Variants in SH2D1B observed in about 807,000 individuals in gnomAD.
SH2D1B encodes SH2 domain containing 1B.
In SH2D1B, 11 loss-of-function variants were observed where a neutral mutation model predicts 16.3. The ratio of observed to expected loss-of-function variants is 0.67; its 90% confidence interval spans 0.42 to 1.11. The LOEUF (loss-of-function observed/expected upper bound fraction) is 1.11. SH2D1B is among the 50% of genes most tolerant of loss of function. The probability of loss-of-function intolerance (pLI) is 0.00; values close to 1 mark genes in which losing one functional copy is unlikely to be tolerated. For missense variants in SH2D1B, 123 were observed against 153.1 expected (o/e 0.80, Z 1.04); for synonymous variants, 55 against 56.1 (o/e 0.98, Z 0.09).
intron 2 of SH2D1B, 199 bp downstream of exon 2, chr1:162,402,540 A>G: frequency 2.1e-6 from 1 of 478,962 alleles, no homozygotes; most frequent in East Asian, 3.2e-5. Flanking sequence ...CAACAACAAA[A>G]AAAGTAGAAC....
chr1:162,409,712 G>A (rs904019923), intron 1 of SH2D1B, among the ~76,000 whole-genome samples: 8 of 152,016 alleles, frequency 5.3e-5, no homozygotes, highest in African/African-American at 2.4e-5. Flanking sequence ...CCAAGTAGCT[G>A]GGATACAACT....
chr1:162,405,862 C>T (rs897661704), intron 1 of SH2D1B, among the ~76,000 whole-genome samples: 1 of 152,228 alleles, frequency 6.6e-6, no homozygotes, highest in Non-Finnish European at 1.5e-5. Context: ...AGGTGCTGTG[C>T]ACGGATCTCT....
intron 1 of SH2D1B, among the ~76,000 whole-genome samples, chr1:162,406,249 T>A (rs1186877553): frequency 6.6e-6 from 1 of 152,214 alleles, no homozygotes; most frequent in African/African-American, 2.4e-5. Flanking sequence ...TTCACAGATG[T>A]AAGTACAAAA....
rs954988788 is a variant in SH2D1B, at chr1:162,402,748, G to C, written c.189C>G (p.Tyr63Ter). Residue 63 changes from tyrosine to a stop codon, truncating the protein, a stop_gained, in exon 2 of 4, where the codon TAC becomes TAG. Transcript: ENST00000367929. LOFTEE classifies it high-confidence loss of function. Reference sequence around the variant, plus strand: ...TCCTTTTTGTTCTTACCTGTATCCTGTAATACCCGTGTTTCTCTCTGAAGA... The same window carrying C: ...TCCTTTTTGTTCTTACCTGTATCCTCTAATACCCGTGTTTCTCTCTGAAGA... Reference protein sequence around the residue: ...YRIFREKHGYYRIQTAEGSPK... With the variant: ...YRIFREKHGY 1.2e-6 allele frequency: 2 copies of C among 1,613,424 alleles called. No individual in the cohort carries two copies. Among genetic ancestry groups the C allele is most frequent in the Admixed American group, 1.7e-5 (1 of 60,002 alleles).
chr1:162,402,849 A>G (rs757005565), intron 1 of SH2D1B, 47 bp from the exon 2 acceptor site: 20 of 1,429,460 alleles, frequency 1.4e-5, no homozygotes, highest in Admixed American at 3.4e-5. Flanking sequence ...ATGCAAATCC[A>G]GGTAACATCT....
intron 2 of SH2D1B, among the ~76,000 whole-genome samples, chr1:162,401,520 C>CAT (rs1383898283): frequency 6.6e-6 from 1 of 152,014 alleles, no homozygotes; most frequent in Non-Finnish European, 1.5e-5. Context: ...TATATATACA[C>CAT]ATATATATAA....
chr1:162,405,921 G>C (rs745386047), intron 1 of SH2D1B, among the ~76,000 whole-genome samples: 3 of 152,214 alleles, frequency 2.0e-5, no homozygotes, highest in Non-Finnish European at 4.4e-5. Flanking sequence ...ACGGTCTCAT[G>C]TTGTGGCCAT....
intron 1 of SH2D1B, among the ~76,000 whole-genome samples, chr1:162,403,455 C>T (rs1648570129): frequency 1.5e-5 from 2 of 130,736 alleles, no homozygotes; most frequent in African/African-American, 2.9e-5. Flanking sequence ...TGCCACTGCA[C>T]TCCAGCCTGG....
chr1:162,403,488 G>GAAAAAAAA (rs1172751501), intron 1 of SH2D1B, among the ~76,000 whole-genome samples: 23 of 20,676 alleles, frequency 1.1e-3, no homozygotes, highest in African/African-American at 1.9e-3. Context: ...GACTCTGTCT[G>GAAAAAAAA]AAAAAAAAAA....
chr1:162,406,290 A>G (rs1338256979), intron 1 of SH2D1B, among the ~76,000 whole-genome samples: 2 of 152,242 alleles, frequency 1.3e-5, no homozygotes, highest in African/African-American at 2.4e-5. Flanking sequence ...CACTGAGTCC[A>G]CTGGACTAAA....
At chr1:162,409,059 T>G (rs574203599) in intron 1 of SH2D1B, among the ~76,000 whole-genome samples, 1 of 150,194 alleles carries the variant, frequency 6.7e-6, no homozygotes, top group Admixed American at 6.7e-5. Context: ...CAGTGAGCCA[T>G]GATCGCACCA....
chr1:162,408,665 C>T (rs555008581), intron 1 of SH2D1B, among the ~76,000 whole-genome samples: 124 of 152,162 alleles, frequency 8.1e-4, no homozygotes, highest in African/African-American at 2.8e-3. Flanking sequence ...CTGCCCGCCT[C>T]GGCCTCCCAG....
At chr1:162,406,791 G>A (rs1430278435) in intron 1 of SH2D1B, among the ~76,000 whole-genome samples, 1 of 152,152 alleles carries the variant, frequency 6.6e-6, no homozygotes, top group African/African-American at 2.4e-5. Context: ...TAGGGCTCAG[G>A]TCTTCCTCAC....
At chr1:162,410,815 C>T (rs1648775899) in intron 1 of SH2D1B, among the ~76,000 whole-genome samples, 2 of 151,954 alleles carry the variant, frequency 1.3e-5, no homozygotes, top group African/African-American at 4.8e-5. Context: ...CGCCACCACA[C>T]CTGGCTAATT....
intron 1 of SH2D1B, among the ~76,000 whole-genome samples, chr1:162,411,649 C>A (rs1648797572): frequency 6.6e-6 from 1 of 152,160 alleles, no homozygotes; most frequent in Non-Finnish European, 1.5e-5. Context: ...ACCACCATGT[C>A]CCTCCTGCTG....
In SH2D1B at chr1:162,403,503, AAAAAAAAAATATATATATATATAT is replaced by A. The variant is rs1207072062; in HGVS notation, c.135-725_135-702del. Among the ~76,000 whole-genome samples the A allele has an allele frequency of 1.2e-4, 5 of 40,826 alleles. No homozygotes were observed. The East Asian group carries it at 4.4e-3, about 36-fold the overall frequency. The allele number at this position is 40,826 out of a possible 152,430, so 26.8% of individuals were successfully genotyped here. On this transcript the variant is annotated intron_variant, in intron 1 of 3. Transcript: ENST00000367929. ...GACTCTGTCTGAAAAAAAAAAAAAA[AAAAAAAAAATATATATATATATAT>A]ATATATATATATATATGTAATTACT...
At chr1:162,403,284 T>G (rs1313510787) in intron 1 of SH2D1B, among the ~76,000 whole-genome samples, 1 of 149,256 alleles carries the variant, frequency 6.7e-6, no homozygotes, top group Non-Finnish European at 1.5e-5. Context: ...AGGTCAGGAG[T>G]TTCAGACCAG....
Position 162,396,727 on chromosome 1 carries a change from A to G in SH2D1B, c.*553T>C, listed in dbSNP as rs867087837. The G allele has an allele frequency of 6.5e-6, 1 of 153,538 alleles. No individual in the cohort carries two copies. Among genetic ancestry groups the G allele is most frequent in the Non-Finnish European group, 1.4e-5 (1 of 69,084 alleles). The allele number at this position is 153,538 out of a possible 1,614,324, so 9.5% of individuals were successfully genotyped here. On this transcript the variant is annotated 3_prime_UTR_variant, in exon 4 of 4. Transcript: ENST00000367929. ...TCCAGCAGGTACAGAGAAGGTGCTG[A>G]TCTGTATGCATCTCCATCACTCCCG...
intron 1 of SH2D1B, among the ~76,000 whole-genome samples, chr1:162,409,015 AG>A (rs1648724224): frequency 6.6e-6 from 1 of 151,788 alleles, no homozygotes; most frequent in Non-Finnish European, 1.5e-5. Context: ...GGCCTGAGAC[AG>A]GAGAATCTCT....
Sources: allele counts gnomAD v4.1 joint callset (sites outside exome capture counted in the v4.1 genomes callset), GRCh38; gene constraint gnomAD v4.1.1; transcripts MANE v1.5; gene names NCBI Gene and HGNC (gene_info 2026-07-23, HGNC 2026-07-21).